EPHA5: variants seen among roughly 807,000 people sequenced by gnomAD.
EPHA5 encodes EPH receptor A5, also known as ephrin type-A receptor 5.
EPHA5 carries 60 observed loss-of-function variants against 105.0 expected under a neutral mutation model. That is an observed-to-expected ratio of 0.57 (90% confidence interval 0.46 to 0.71). The LOEUF is 0.71. Ranked by LOEUF, EPHA5 falls within the 30% of genes least tolerant of loss-of-function variation. The pLI, the probability that EPHA5 is intolerant of heterozygous loss-of-function variation, is 0.00. For missense variants in EPHA5, 1,218 were observed against 1,274.7 expected (o/e 0.96, Z 0.68); for synonymous variants, 513 against 449.1 (o/e 1.14, Z -1.80).
At chr4:65,578,532 G>A (rs1360122263) in intron 3 of EPHA5, among the ~76,000 whole-genome samples, 1 of 152,154 alleles carries the variant, frequency 6.6e-6, no homozygotes, top group East Asian at 1.9e-4. Context: ...TAATATATGA[G>A]CAGTGTAGAA....
In EPHA5 at chr4:65,376,436, A is replaced by T. The variant is rs572862070; in HGVS notation, c.1794-9012T>A. ...TGGGCACTGACTGAAAAATGTGCATATTTTCTACTTCATTGGCATCAAAGT... is the reference window on the plus strand; with the variant it reads ...TGGGCACTGACTGAAAAATGTGCATTTTTTCTACTTCATTGGCATCAAAGT... On this transcript the variant is annotated intron_variant, in intron 8 of 16. Coordinates refer to ENST00000613740, the MANE Select transcript of EPHA5 (RefSeq NM_001281766.3). Among the ~76,000 whole-genome samples the T allele has an allele frequency of 1.7e-3, 260 of 152,112 alleles. 1 individual carries two copies. The highest frequency in any genetic ancestry group is 5.9e-3 in the African/African-American group (246 of 41,530).
intron 5 of EPHA5, among the ~76,000 whole-genome samples, chr4:65,451,701 A>G (rs1442666538): frequency 6.6e-6 from 1 of 152,176 alleles, no homozygotes; most frequent in Non-Finnish European, 1.5e-5. Context: ...TAGCACTGAC[A>G]AGGCAAGATT....
intron 16 of EPHA5, among the ~76,000 whole-genome samples, chr4:65,329,306 T>C (rs1720375186): frequency 6.6e-6 from 1 of 151,350 alleles, no homozygotes. Context: ...CTTTCATGAA[T>C]ATGCTTTGAC....
intron 16 of EPHA5, 94 bp from the exon 17 acceptor site, chr4:65,324,313 C>T (rs1719876082): frequency 3.9e-6 from 3 of 773,030 alleles, no homozygotes; most frequent in Non-Finnish European, 6.5e-6. Context: ...AGTGCAGACA[C>T]TAGTTAGATT....
chr4:65,617,308 A>G (rs994227608), intron 2 of EPHA5, among the ~76,000 whole-genome samples: 3 of 151,870 alleles, frequency 2.0e-5, no homozygotes, highest in South Asian at 2.1e-4. Flanking sequence ...TCTTGCCCCA[A>G]TTTTGTCATT....
chr4:65,391,376 T>G (rs551734237), intron 8 of EPHA5, among the ~76,000 whole-genome samples: 1 of 152,164 alleles, frequency 6.6e-6, no homozygotes. Flanking sequence ...GCTGATCTAT[T>G]AGAAACATTT....
At position 65,495,378 on chromosome 4, in the gene EPHA5, G is replaced by C. The variant is rs2149225241; in HGVS notation, c.1066+10C>G. 1 of 1,609,144 alleles carries C rather than the reference G, an allele frequency of 6.2e-7. No homozygotes were observed. On this transcript the variant is annotated intron_variant, in intron 4 of 16. Coordinates refer to ENST00000613740, the MANE Select transcript of EPHA5 (RefSeq NM_001281766.3). Reference sequence around the variant, plus strand: ...AGTTAGCACCACCAAATATCCGTGGGTTTCCTTACTTGTGCATGCCATTGT... The same window carrying C: ...AGTTAGCACCACCAAATATCCGTGGCTTTCCTTACTTGTGCATGCCATTGT...
At chr4:65,482,992 T>C (rs1320513864) in intron 5 of EPHA5, among the ~76,000 whole-genome samples, 2 of 152,102 alleles carry the variant, frequency 1.3e-5, no homozygotes, top group Admixed American at 6.6e-5. Context: ...GTATATCTCC[T>C]AATGCTATCC....
At chr4:65,528,858 T>C (rs1227789452) in intron 3 of EPHA5, among the ~76,000 whole-genome samples, 1 of 152,106 alleles carries the variant, frequency 6.6e-6, no homozygotes, top group African/African-American at 2.4e-5. Flanking sequence ...TCGGAAATAA[T>C]ATACTGTCAA....
At chr4:65,382,618 C>T (rs995368688) in intron 8 of EPHA5, among the ~76,000 whole-genome samples, 1 of 151,782 alleles carries the variant, frequency 6.6e-6, no homozygotes, top group Admixed American at 6.6e-5. Context: ...TACATAACAA[C>T]AGTTCTCTAC....
At chr4:65,530,614 G>A (rs886393522) in intron 3 of EPHA5, among the ~76,000 whole-genome samples, 2 of 152,168 alleles carry the variant, frequency 1.3e-5, no homozygotes, top group South Asian at 2.1e-4. Context: ...TAGCATCATA[G>A]CTTATGTGGA....
intron 3 of EPHA5, among the ~76,000 whole-genome samples, chr4:65,543,826 C>G (rs1450177355): frequency 6.6e-6 from 1 of 152,028 alleles, no homozygotes. Flanking sequence ...TTAAACTACA[C>G]TACAAGGCTA....
chr4:65,413,758 A>G (rs1350768949), intron 7 of EPHA5, among the ~76,000 whole-genome samples: 1 of 152,180 alleles, frequency 6.6e-6, no homozygotes, highest in South Asian at 2.1e-4. Context: ...CTATTTTTAT[A>G]GAGAAAAAAG....
intron 2 of EPHA5, among the ~76,000 whole-genome samples, chr4:65,612,642 A>C (rs1280875251): frequency 6.6e-6 from 1 of 152,194 alleles, no homozygotes; most frequent in African/African-American, 2.4e-5. Context: ...TAGAGGTACA[A>C]GAATATTCTT....
At chr4:65,568,079 C>T (rs1255758256) in intron 3 of EPHA5, among the ~76,000 whole-genome samples, 4 of 151,474 alleles carry the variant, frequency 2.6e-5, no homozygotes, top group Admixed American at 2.6e-4. Flanking sequence ...TGTAAAGGCT[C>T]TCTCTTGTTT....
rs373853873 is a variant in EPHA5, at chr4:65,415,023, T to G, written c.1528-580A>C. Among the ~76,000 whole-genome samples the G allele has an allele frequency of 7.9e-5, 12 of 152,196 alleles. No homozygotes were observed. In the East Asian group the frequency reaches 1.2e-3, roughly 15 times the overall value. Reference sequence around the variant, plus strand: ...ATGCAGATAAGCAAAACGTTTTTATTTATCTTTGAAAATGTCCTGATTTGG... The same window carrying G: ...ATGCAGATAAGCAAAACGTTTTTATGTATCTTTGAAAATGTCCTGATTTGG... On this transcript the variant is annotated intron_variant, in intron 6 of 16. Transcript: ENST00000613740.
At chr4:65,646,606 A>G (rs1334185695) in intron 1 of EPHA5, among the ~76,000 whole-genome samples, 1 of 151,982 alleles carries the variant, frequency 6.6e-6, no homozygotes, top group Non-Finnish European at 1.5e-5. Flanking sequence ...AAGTTAAGAA[A>G]CCCTGTTATA....
At chr4:65,356,934 C>A (rs1723356760) in intron 11 of EPHA5, among the ~76,000 whole-genome samples, 1 of 151,308 alleles carries the variant, frequency 6.6e-6, no homozygotes, top group South Asian at 2.1e-4. Context: ...GAAGTACAGA[C>A]AAAGACTAGA....
At chr4:65,616,389 C>A (rs1051075069) in intron 2 of EPHA5, among the ~76,000 whole-genome samples, 9 of 150,220 alleles carry the variant, frequency 6.0e-5, no homozygotes, top group Admixed American at 4.0e-4. Context: ...GGTGACTACA[C>A]AAACTTACAC....
Sources: gnomAD v4.1 joint callset for allele counts (sites outside exome capture counted in the v4.1 genomes callset) on GRCh38, gnomAD v4.1.1 for gene constraint, MANE v1.5 for transcripts, NCBI Gene and HGNC (gene_info 2026-07-23, HGNC 2026-07-21) for gene names.